The following DPYSL2 variants were observed in gnomAD, a reference collection of about 807,000 sequenced individuals.
The protein encoded by DPYSL2 is dihydropyrimidinase-related protein 2.
DPYSL2 carries 13 observed loss-of-function variants against 69.9 expected under a neutral mutation model. That is an observed-to-expected ratio of 0.19 (90% CI 0.12 to 0.30). The LOEUF (loss-of-function observed/expected upper bound fraction) is 0.30, where lower values mean the gene tolerates loss of function less well. Among genes scored for constraint, DPYSL2 ranks in the 10% least tolerant of loss-of-function variants. DPYSL2 has a pLI of 1.00. For missense variants in DPYSL2, 587 were observed against 918.9 expected (o/e 0.64, Z 4.67); for synonymous variants, 326 against 359.1 (o/e 0.91, Z 1.04).
In DPYSL2 at chr8:26,617,308, C is replaced by T. The variant is rs1039392516; in HGVS notation, c.629-6835C>T. ...AAAAGTTCCAGCCTGGGCAGCATAG[C>T]GAGACCTATTGTCTCTACACATAAT... On this transcript the variant is annotated intron_variant, in intron 3 of 13. Transcript: ENST00000521913. The surrounding 1 kb of genome is among the most constrained non-coding windows in gnomAD (Gnocchi z 4.7). 3.9e-5 allele frequency among the ~76,000 whole-genome samples: 6 copies of T among 152,206 alleles called. No individual in the cohort carries two copies. Among genetic ancestry groups the T allele is most frequent in the Admixed American group, 2.0e-4 (3 of 15,298 alleles).
chr8:26,538,963 C>T (rs1277679340), intron 1 of DPYSL2, among the ~76,000 whole-genome samples: 2 of 152,188 alleles, frequency 1.3e-5, no homozygotes, highest in African/African-American at 2.4e-5. Context: ...TAGAATCCAA[C>T]AATGTTTTTC....
At chr8:26,554,786 C>T (rs1295542592) in intron 1 of DPYSL2, among the ~76,000 whole-genome samples, 1 of 151,976 alleles carries the variant, frequency 6.6e-6, no homozygotes, top group African/African-American at 2.4e-5. Context: ...CCAAAATTAC[C>T]CTAATACCAA....
Position 26,653,261 on chromosome 8 carries a change from C to G in DPYSL2, c.1806C>G (p.Gly602=). The G allele has an allele frequency of 6.2e-7, 1 of 1,614,032 alleles. No homozygotes were observed. The change falls in exon 13 of 14, where the codon GGC becomes GGG. Residue 602 remains glycine, a synonymous_variant. Transcript: ENST00000521913. This position sits in a 1 kb window ranked among gnomAD's most constrained non-coding sequence, Gnocchi z 5.7. ...CTGAGCTGAGAGGGGTTCCTCGTGG[C>G]CTGTATGACGGACCTGTGTGTGAAG... ...RLAELRGVPR[G]LYDGPVCEVS... is the part of the protein sequence containing the mutation.
In DPYSL2 at chr8:26,538,267, CA is replaced by C. The variant is rs544241042; in HGVS notation, c.354+23590del. On this transcript the variant is annotated intron_variant, in intron 1 of 13. Coordinates refer to ENST00000521913, the MANE Select transcript of DPYSL2 (RefSeq NM_001197293.3). ...CCAGTGCTTATCTCCCCAACAAAAA[CA>C]ATGAACAAACAGCTACTTGCCAATG... Among the ~76,000 whole-genome samples, 174 of 152,264 alleles carry C rather than the reference CA, an allele frequency of 1.1e-3. 1 individual carries two copies. The highest frequency in any genetic ancestry group is 4.1e-3 in the African/African-American group (169 of 41,558).
At chr8:26,522,923 TG>T (rs1808412565) in intron 1 of DPYSL2, among the ~76,000 whole-genome samples, 1 of 152,146 alleles carries the variant, frequency 6.6e-6, no homozygotes. Flanking sequence ...TAAAAACTGC[TG>T]GATCATCTGA....
intron 7 of DPYSL2, among the ~76,000 whole-genome samples, chr8:26,630,056 C>T (rs1229172620): frequency 2.0e-5 from 3 of 152,262 alleles, no homozygotes; most frequent in African/African-American, 7.2e-5. Context: ...CGCACATGTG[C>T]ACAGGCACAG....
rs1169410188 is a variant in DPYSL2 at position 26,587,777 on chromosome 8, A to G, written c.628+3794A>G. On this transcript the variant is annotated intron_variant, in intron 3 of 13. Transcript: ENST00000521913. The surrounding 1 kb of genome is among the most constrained non-coding windows in gnomAD (Gnocchi z 4.2). ...GCTGAGGGGTTGCGGGGGCGGCCGCATTGCTGCTTGGGGAAAACCCTACGG... is the reference window on the plus strand; with the variant it reads ...GCTGAGGGGTTGCGGGGGCGGCCGCGTTGCTGCTTGGGGAAAACCCTACGG... 1.3e-5 allele frequency among the ~76,000 whole-genome samples: 2 copies of G among 152,062 alleles called. No individual in the cohort carries two copies. The highest frequency in any genetic ancestry group is 2.1e-4 in the South Asian group (1 of 4,832).
chr8:26,526,786 C>T (rs544088220), intron 1 of DPYSL2, among the ~76,000 whole-genome samples: 2 of 152,286 alleles, frequency 1.3e-5, no homozygotes, highest in East Asian at 3.9e-4. Flanking sequence ...TTGCAGTGAC[C>T]CCCATTGGTG....
rs753744118 is a variant in DPYSL2 at position 26,647,588 on chromosome 8, C to T, written c.1426-42C>T. The T allele has an allele frequency of 1.9e-6, 3 of 1,554,650 alleles. No homozygotes were observed. Among genetic ancestry groups the T allele is most frequent in the South Asian group, 1.2e-5 (1 of 82,866 alleles). On this transcript the variant is annotated intron_variant, in intron 10 of 13. Coordinates refer to ENST00000521913, the MANE Select transcript of DPYSL2 (RefSeq NM_001197293.3). This position sits in a 1 kb window ranked among gnomAD's most constrained non-coding sequence, Gnocchi z 5.1. ...TGAAAAGTAACTTTTTAACTCGTTT[C>T]TGCTGTGTGCCTCCTGTGCACACCT...
chr8:26,603,504 A>G (rs540073727), intron 3 of DPYSL2, among the ~76,000 whole-genome samples: 2 of 152,318 alleles, frequency 1.3e-5, no homozygotes, highest in Admixed American at 1.3e-4. Flanking sequence ...TAGCATACAT[A>G]ACACAAATTT....
At chr8:26,535,631 A>T (rs578131533) in intron 1 of DPYSL2, among the ~76,000 whole-genome samples, 130 of 149,808 alleles carry the variant, frequency 8.7e-4, no homozygotes, top group African/African-American at 3.1e-3. Context: ...ATATATATAT[A>T]TATATTTTTT....
At position 26,627,604 on chromosome 8, in the gene DPYSL2, G is replaced by A. The variant is rs532759157; in HGVS notation, c.937-268G>A. On this transcript the variant is annotated intron_variant, in intron 6 of 13. Coordinates refer to ENST00000521913, the MANE Select transcript of DPYSL2 (RefSeq NM_001197293.3). This position sits in a 1 kb window ranked among gnomAD's most constrained non-coding sequence, Gnocchi z 6.9. ...ACGTCACACACAGGCATTTTACACC[G>A]TGGCTGAGGGTTGCAAATGCACCAG... Among the ~76,000 whole-genome samples the A allele has an allele frequency of 5.4e-4, 82 of 152,288 alleles. No individual in the cohort carries two copies. Among genetic ancestry groups the A allele is most frequent in the Middle Eastern group, 3.4e-3 (1 of 294 alleles).
intron 1 of DPYSL2, among the ~76,000 whole-genome samples, chr8:26,515,223 G>C (rs1398060283): frequency 6.6e-6 from 1 of 152,180 alleles, no homozygotes; most frequent in Non-Finnish European, 1.5e-5. Context: ...GCGCCCCCCG[G>C]ACCCCCTCCG....
chr8:26,636,923 G>A (rs1036395516), intron 8 of DPYSL2, among the ~76,000 whole-genome samples: 1 of 151,992 alleles, frequency 6.6e-6, no homozygotes, highest in African/African-American at 2.4e-5. Flanking sequence ...TATATTTTTA[G>A]TAGAGACGGG....
In DPYSL2 at chr8:26,634,915, C is replaced by G. The variant is rs745724140; in HGVS notation, c.1126+15C>G. ...ACGGAAGAAGGGTGAGTGCTGTGGC[C>G]GGACTGGCTGATGGCAGGTGGGGAG... On this transcript the variant is annotated intron_variant, in intron 8 of 13. Transcript: ENST00000521913. 28 of 1,613,614 alleles carry G rather than the reference C, an allele frequency of 1.7e-5. No individual in the cohort carries two copies. Among genetic ancestry groups the G allele is most frequent in the Non-Finnish European group, 2.3e-5 (27 of 1,179,774 alleles).
intron 7 of DPYSL2, among the ~76,000 whole-genome samples, chr8:26,630,697 T>G (rs1348058217): frequency 1.3e-5 from 2 of 152,186 alleles, no homozygotes; most frequent in Non-Finnish European, 2.9e-5. Context: ...ACCAGAGCTG[T>G]GCTGCAGTGG....
chr8:26,574,012 C>T (rs556228035), intron 1 of DPYSL2, among the ~76,000 whole-genome samples: 1 of 152,046 alleles, frequency 6.6e-6, no homozygotes, highest in Admixed American at 6.5e-5. Context: ...AGAGACAAGG[C>T]AGTGTGCTGG....
rs113114897 is a variant in DPYSL2, at chr8:26,647,338, G to A, written c.1426-292G>A. 7.2e-5 allele frequency among the ~76,000 whole-genome samples: 11 copies of A among 152,270 alleles called. No individual in the cohort carries two copies. The highest frequency in any genetic ancestry group is 2.6e-4 in the African/African-American group (11 of 41,560). ...ACAATCAAGATGCAGGTCTAGTCCAGCATTTCAGAGACCAACCTCTTGCTG... is the reference window on the plus strand; with the variant it reads ...ACAATCAAGATGCAGGTCTAGTCCAACATTTCAGAGACCAACCTCTTGCTG... On this transcript the variant is annotated intron_variant, in intron 10 of 13. Coordinates refer to ENST00000521913, the MANE Select transcript of DPYSL2 (RefSeq NM_001197293.3). The surrounding 1 kb of genome is among the most constrained non-coding windows in gnomAD (Gnocchi z 5.1).
rs945861046 is a variant in DPYSL2 at position 26,652,198 on chromosome 8, G to A, written c.1597-59G>A. ...TGGGGTTGGGGCAGTGGGTGCTGCC[G>A]GGTGGATTGAGTCCAGCCAGAGTGG... is the stretch of plus-strand genomic sequence containing the variant. On this transcript the variant is annotated intron_variant, in intron 11 of 13. Transcript: ENST00000521913. This position sits in a 1 kb window ranked among gnomAD's most constrained non-coding sequence, Gnocchi z 6.3. 20 of 1,518,460 alleles carry A rather than the reference G, an allele frequency of 1.3e-5. No homozygotes were observed. The highest frequency in any genetic ancestry group is 2.3e-5 in the East Asian group (1 of 43,154). The allele number at this position is 1,518,460 out of a possible 1,614,324, so 94.1% of individuals were successfully genotyped here.
Sources: gnomAD v4.1 joint callset for allele counts (sites outside exome capture counted in the v4.1 genomes callset) on GRCh38, gnomAD v4.1.1 for gene constraint, Gnocchi (gnomAD v3.1) non-coding constraint, MANE v1.5 for transcripts, NCBI Gene and HGNC (gene_info 2026-07-23, HGNC 2026-07-21) for gene names.